The following GLI2 variants were observed in gnomAD, a reference collection of about 807,000 sequenced individuals.
The protein encoded by GLI2 is GLI family zinc finger 2, also known as transcription activator GLI2.
A neutral mutation model predicts 78.9 loss-of-function variants in GLI2; 22 were observed. The observed-to-expected ratio is 0.28, with a 90% CI of 0.20 to 0.40. The LOEUF is 0.40. Ranked by LOEUF, GLI2 falls within the 10% of genes least tolerant of loss-of-function variation. The probability of loss-of-function intolerance (pLI) is 1.00; values close to 1 mark genes in which losing one functional copy is unlikely to be tolerated. For synonymous variants in GLI2, 974 were observed against 963.7 expected, an observed-to-expected ratio of 1.01 and a Z score of -0.20; for missense variants, 2,097 against 2,213.2, an observed-to-expected ratio of 0.95 and a Z score of 1.05.
intron 2 of GLI2, among the ~76,000 whole-genome samples, chr2:120,876,901 G>C (rs1688778328): frequency 6.6e-6 from 1 of 152,238 alleles, no homozygotes; most frequent in African/African-American, 2.4e-5. Flanking sequence ...GTGCTTAACT[G>C]TAGGTTCCTT....
rs767030770 is a variant in GLI2 at position 120,978,522 on chromosome 2, C to T, written c.1406C>T (p.Ala469Val). 6 of 1,614,130 alleles carry T rather than the reference C, an allele frequency of 3.7e-6. No individual in the cohort carries two copies. Among genetic ancestry groups the T allele is most frequent in the Admixed American group, 3.3e-5 (2 of 60,022 alleles). ...ACGCGGGAGCAGAAGCCCTTCAAGG[C>T]GCAGTACATGCTGGTGGTGCACATG... ...ACTREQKPFKAQYMLVVHMRR... is the reference protein window; with the variant it reads ...ACTREQKPFKVQYMLVVHMRR... The change falls in exon 10 of 14, where the codon GCG becomes GTG. Residue 469 changes from alanine to valine, a missense_variant. Physicochemically the swap from Ala to Val is moderately conservative, Grantham distance 64. Around this residue, in one of 5 missense-constraint regions of GLI2, gnomAD observed 104 missense variants for 190.6 expected, o/e 0.55. Coordinates refer to ENST00000361492, the MANE Select transcript of GLI2 (RefSeq NM_001374353.1).
At chr2:120,897,523 G>GT (rs369207144) in intron 2 of GLI2, among the ~76,000 whole-genome samples, 140 of 152,352 alleles carry the variant, frequency 9.2e-4, no homozygotes, top group African/African-American at 2.4e-3. Context: ...GGCAAAGATT[G>GT]TAGGCACAGG....
intron 1 of GLI2, among the ~76,000 whole-genome samples, chr2:120,783,735 C>T (rs894528744): frequency 6.6e-6 from 1 of 152,158 alleles, no homozygotes; most frequent in African/African-American, 2.4e-5. Flanking sequence ...TCCTCCTCCT[C>T]CTCCCTCCAT....
intron 12 of GLI2, 64 bp from the exon 13 acceptor site, chr2:120,986,214 G>C: frequency 1.4e-6 from 2 of 1,467,680 alleles, no homozygotes; most frequent in Non-Finnish European, 1.9e-6. Flanking sequence ...TGCAGGCCTA[G>C]AGGCAGGACC....
intron 8 of GLI2, chr2:120,972,533 A>C (rs1682236889): frequency 2.2e-6 from 1 of 459,256 alleles, no homozygotes; most frequent in Non-Finnish European, 4.4e-6. Context: ...CTCCAGGCCC[A>C]CACACCCAGC....
At chr2:120,917,753 A>G (rs984704578) in intron 2 of GLI2, among the ~76,000 whole-genome samples, 2 of 152,242 alleles carry the variant, frequency 1.3e-5, no homozygotes, top group Non-Finnish European at 2.9e-5. Context: ...GCCATGGGAT[A>G]TGTGGCTGAT....
At chr2:120,843,982 C>T (rs1208084118) in intron 2 of GLI2, among the ~76,000 whole-genome samples, 1 of 152,098 alleles carries the variant, frequency 6.6e-6, no homozygotes. Context: ...TGTGGTTTTG[C>T]TGGAGCCTGC....
chr2:120,972,644 C>T (rs770304499), intron 8 of GLI2: 1 of 518,852 alleles, frequency 1.9e-6, no homozygotes, highest in African/African-American at 1.9e-5. Context: ...AAGTGCCTGA[C>T]TGGGTTCCAT....
At chr2:120,794,165 G>C (rs1684278063) in intron 1 of GLI2, among the ~76,000 whole-genome samples, 1 of 152,200 alleles carries the variant, frequency 6.6e-6, no homozygotes, top group Non-Finnish European at 1.5e-5. Context: ...CTTCAGGGCT[G>C]CAATCATGGG....
At chr2:120,932,041 C>T (rs1463181438) in intron 3 of GLI2, among the ~76,000 whole-genome samples, 1 of 152,198 alleles carries the variant, frequency 6.6e-6, no homozygotes, top group African/African-American at 2.4e-5. Context: ...CTCACCTCTT[C>T]CGCCCCCAGT....
At position 120,982,734 on chromosome 2, in the gene GLI2, G is replaced by T. The variant is rs774591307; in HGVS notation, c.1486G>T (p.Ala496Ser). The change falls in exon 11 of 14, where the codon GCC (alanine) becomes TCC (serine). Residue 496 changes from alanine to serine, a missense_variant. By Grantham distance (99) the Ala-to-Ser change is moderately conservative (BLOSUM62 1). This residue lies in a region of GLI2 where 104 missense variants were observed against 190.6 expected (regional missense o/e 0.55). Transcript: ENST00000361492. ...CTTCTAGTTCGAGGGCTGCTCGAAG[G>T]CCTACTCCCGCCTGGAGAACCTGAA... is the stretch of plus-strand genomic sequence containing the variant. ...HKCTFEGCSK[A>S]YSRLENLKTH... The T allele has an allele frequency of 1.5e-5, 24 of 1,613,470 alleles. No individual in the cohort carries two copies. The highest frequency in any genetic ancestry group is 1.9e-5 in the Non-Finnish European group (23 of 1,179,616).
intron 2 of GLI2, 27 bp downstream of exon 2, chr2:120,797,495 G>A (rs373865136): frequency 1.9e-6 from 3 of 1,606,868 alleles, no homozygotes; most frequent in African/African-American, 1.3e-5. Flanking sequence ...ACACTTGGAG[G>A]GCAGCAGGGG....
chr2:120,753,678 C>G (rs1390238576), intron 1 of GLI2, among the ~76,000 whole-genome samples: 13 of 151,928 alleles, frequency 8.6e-5, no homozygotes, highest in Admixed American at 8.5e-4. Context: ...GCGGGCGGAT[C>G]AGGAGGTCAG....
chr2:120,888,746 T>C (rs767062483), intron 2 of GLI2, among the ~76,000 whole-genome samples: 2 of 152,260 alleles, frequency 1.3e-5, no homozygotes, highest in Non-Finnish European at 2.9e-5. Context: ...GTTTCCTCTG[T>C]TGGGCCTTCT....
chr2:120,830,519 G>T (rs554627406), intron 2 of GLI2, among the ~76,000 whole-genome samples: 2 of 152,370 alleles, frequency 1.3e-5, no homozygotes, highest in East Asian at 3.9e-4. Context: ...TGCCCACCAG[G>T]CCCCACGTCC....
rs1308265876 is a variant in GLI2, at chr2:120,972,149, G to C, written c.1182+86G>C. On this transcript the variant is annotated intron_variant, in intron 8 of 13. Transcript: ENST00000361492. ...GGGGCTGTACCCTTGGTGGTGAACG[G>C]ATGGCTGGCTGGCTGCCTGCATGGA... 4.0e-6 allele frequency: 6 copies of C among 1,484,718 alleles called. No individual in the cohort carries two copies. The Admixed American group carries it at 1.0e-4, about 25-fold the overall frequency. The allele number at this position is 1,484,718 out of a possible 1,614,324, so 92.0% of individuals were successfully genotyped here. A position where few individuals can be genotyped will look rare whatever the true frequency, so the allele number is the denominator to read the frequency against.
At chr2:120,885,310 C>T (rs1357045033) in intron 2 of GLI2, among the ~76,000 whole-genome samples, 2 of 152,212 alleles carry the variant, frequency 1.3e-5, no homozygotes, top group Admixed American at 6.5e-5. Flanking sequence ...ATGCCTGCTC[C>T]AGAGAGTGAA....
intron 6 of GLI2, 82 bp downstream of exon 6, chr2:120,968,997 C>A (rs1392769905): frequency 1.9e-5 from 19 of 1,001,186 alleles, no homozygotes; most frequent in Non-Finnish European, 2.8e-5. Context: ...TTTCAGTGGG[C>A]GCTTTTGACC....
rs369329510 is a variant in GLI2, at chr2:120,934,135, C to T, written c.254+6669C>T. Among the ~76,000 whole-genome samples the T allele has an allele frequency of 2.8e-4, 43 of 152,338 alleles. No homozygotes were observed. The East Asian group carries it at 8.3e-3, about 29-fold the overall frequency. On this transcript the variant is annotated intron_variant, in intron 3 of 13. Transcript: ENST00000361492. ...TTGGGGACCACTGCAGGCGCCGCTG[C>T]TTGCTTGACGTCCGGGAAAGCAGCC...
Sources: allele counts gnomAD v4.1 joint callset (sites outside exome capture counted in the v4.1 genomes callset), GRCh38; gene constraint gnomAD v4.1.1; regional missense constraint gnomAD v4.1.1; transcripts MANE v1.5; gene names NCBI Gene and HGNC (gene_info 2026-07-23, HGNC 2026-07-21).